The following CFAP61 variants were observed in gnomAD, a reference collection of about 807,000 sequenced individuals.
CFAP61 encodes cilia- and flagella-associated protein 61.
In CFAP61, 107 loss-of-function variants were observed where a neutral mutation model predicts 135.6. That is an observed-to-expected ratio of 0.79 (90% CI 0.67 to 0.93). The LOEUF is 0.93. Ranked by LOEUF, CFAP61 falls within the 40% of genes least tolerant of loss-of-function variation. The probability of loss-of-function intolerance (pLI) is 0.00; values close to 1 mark genes in which losing one functional copy is unlikely to be tolerated. For synonymous variants in CFAP61, 575 were observed against 578.5 expected, an observed-to-expected ratio of 0.99 and a Z score of 0.09; for missense variants, 1,507 against 1,556.2, an observed-to-expected ratio of 0.97 and a Z score of 0.53.
At chr20:20,102,021 G>A (rs192356591) in intron 8 of CFAP61, among the ~76,000 whole-genome samples, 24 of 152,220 alleles carry the variant, frequency 1.6e-4, no homozygotes, top group African/African-American at 4.8e-4. Context: ...TTTTGTATGT[G>A]TGTGCTCCAA....
At chr20:20,064,953 G>C (rs2045129295) in intron 2 of CFAP61, among the ~76,000 whole-genome samples, 1 of 152,104 alleles carries the variant, frequency 6.6e-6, no homozygotes, top group Admixed American at 6.5e-5. Context: ...TAATAATCAG[G>C]GCAGTGTGGT....
chr20:20,242,869 C>G (rs1372684165), intron 18 of CFAP61, among the ~76,000 whole-genome samples: 1 of 152,030 alleles, frequency 6.6e-6, no homozygotes, highest in African/African-American at 2.4e-5. Flanking sequence ...ATTAGATGAC[C>G]TTTGGATCCC....
intron 13 of CFAP61, among the ~76,000 whole-genome samples, chr20:20,178,619 A>G (rs1458682810): frequency 6.6e-6 from 1 of 152,246 alleles, no homozygotes; most frequent in African/African-American, 2.4e-5. Context: ...TAGATCATAC[A>G]GCCATTAACT....
chr20:20,084,249 T>A (rs550663174), intron 6 of CFAP61, among the ~76,000 whole-genome samples: 5 of 152,224 alleles, frequency 3.3e-5, no homozygotes, highest in Non-Finnish European at 4.4e-5. Flanking sequence ...TGAAGAAATA[T>A]ATTTATGGTG....
At chr20:20,318,900 T>C (rs2057288792) in intron 25 of CFAP61, among the ~76,000 whole-genome samples, 1 of 152,228 alleles carries the variant, frequency 6.6e-6, no homozygotes, top group Non-Finnish European at 1.5e-5. Flanking sequence ...TGAGTGGTTT[T>C]GGCTCCTCCT....
chr20:20,077,140 C>T (rs917410071), intron 6 of CFAP61, among the ~76,000 whole-genome samples: 2 of 152,110 alleles, frequency 1.3e-5, no homozygotes, highest in Non-Finnish European at 2.9e-5. Flanking sequence ...ACAACTGCTC[C>T]TCCGCCCAAA....
intron 12 of CFAP61, among the ~76,000 whole-genome samples, chr20:20,166,962 G>C (rs2053884454): frequency 6.6e-6 from 1 of 152,172 alleles, no homozygotes; most frequent in South Asian, 2.1e-4. Flanking sequence ...CTCCATGCCA[G>C]GGTGTCCCGG....
At chr20:20,209,087 T>C (rs978052143) in intron 17 of CFAP61, among the ~76,000 whole-genome samples, 2 of 152,196 alleles carry the variant, frequency 1.3e-5, no homozygotes, top group Non-Finnish European at 2.9e-5. Flanking sequence ...TGCCACTGAC[T>C]TTGGCATTTT....
chr20:20,076,591 T>C (rs2046065931), intron 6 of CFAP61, among the ~76,000 whole-genome samples: 1 of 152,198 alleles, frequency 6.6e-6, no homozygotes, highest in South Asian at 2.1e-4. Context: ...AAGAGTGCAT[T>C]ATGAAATCAT....
chr20:20,304,474 C>G (rs184965042), intron 25 of CFAP61, among the ~76,000 whole-genome samples: 24 of 151,998 alleles, frequency 1.6e-4, no homozygotes, highest in African/African-American at 5.8e-4. Flanking sequence ...CCCTTAAAAG[C>G]ATTTGTGCCC....
rs201899206 is a variant in CFAP61, at chr20:20,098,802, C to T, written c.847C>T (p.Arg283Ter). 41 of 1,611,938 alleles carry T rather than the reference C, an allele frequency of 2.5e-5. No homozygotes were observed. The highest frequency in any genetic ancestry group is 1.9e-4 in the South Asian group (17 of 90,598). ...GGAATCACCACAAGACCTAAGTGTC[C>T]GAAGAAGTCAAGGTACAGTGGCTAT... ...VLESPQDLSV[R>*]RSQDAELRSS... is the part of the protein sequence containing the mutation. The change falls in exon 8 of 27, where the codon CGA (arginine) becomes TGA (stop). Residue 283 changes from arginine (R) to a stop codon, truncating the protein, a stop_gained. Coordinates refer to ENST00000245957, the MANE Select transcript of CFAP61 (RefSeq NM_015585.4). LOFTEE classifies it high-confidence loss of function.
intron 22 of CFAP61, among the ~76,000 whole-genome samples, chr20:20,284,518 T>C (rs1391433162): frequency 2.0e-5 from 3 of 152,036 alleles, no homozygotes; most frequent in African/African-American, 7.2e-5. Context: ...ATCTCCTGAC[T>C]TCGTGATCCG....
At chr20:20,181,274 T>TGTAC (rs1190768293) in intron 13 of CFAP61, among the ~76,000 whole-genome samples, 86 of 32,848 alleles carry the variant, frequency 2.6e-3, no homozygotes, top group South Asian at 5.2e-3. Context: ...TATGTGTATG[T>TGTAC]ATACACACAC....
intron 25 of CFAP61, among the ~76,000 whole-genome samples, chr20:20,317,926 G>A (rs1445470790): frequency 6.6e-6 from 1 of 152,214 alleles, no homozygotes; most frequent in Non-Finnish European, 1.5e-5. Flanking sequence ...CCAGCCACTA[G>A]CAGCCCCAGC....
chr20:20,217,508 T>C (rs747823085), intron 17 of CFAP61, among the ~76,000 whole-genome samples: 7 of 152,190 alleles, frequency 4.6e-5, no homozygotes, highest in East Asian at 3.8e-4. Flanking sequence ...GATAGCAAGA[T>C]TGAAAAGTTG....
chr20:20,157,130 T>C (rs1249944810), intron 9 of CFAP61, among the ~76,000 whole-genome samples: 1 of 152,174 alleles, frequency 6.6e-6, no homozygotes, highest in African/African-American at 2.4e-5. Context: ...TGGAGTGCAG[T>C]GGCATGATCT....
At chr20:20,181,506 C>T (rs781374261) in intron 13 of CFAP61, among the ~76,000 whole-genome samples, 3 of 152,102 alleles carry the variant, frequency 2.0e-5, no homozygotes, top group Non-Finnish European at 4.4e-5. Context: ...CTGCAAGACT[C>T]TGAGGACTCA....
intron 15 of CFAP61, among the ~76,000 whole-genome samples, chr20:20,192,638 AT>A (rs1287840948): frequency 8.5e-5 from 13 of 152,048 alleles, no homozygotes; most frequent in Admixed American, 8.5e-4. Context: ...CACCTGCCCC[AT>A]CCTTGTAAAT....
At chr20:20,202,581 G>A (rs2056676066) in intron 17 of CFAP61, among the ~76,000 whole-genome samples, 1 of 152,086 alleles carries the variant, frequency 6.6e-6, no homozygotes, top group African/African-American at 2.4e-5. Flanking sequence ...GTTTTAGAGT[G>A]ATTATCTGAC....
Sources: gnomAD v4.1 joint callset for allele counts (sites outside exome capture counted in the v4.1 genomes callset) on GRCh38, gnomAD v4.1.1 for gene constraint, MANE v1.5 for transcripts, NCBI Gene and HGNC (gene_info 2026-07-23, HGNC 2026-07-21) for gene names.